FYB2: variants seen among roughly 807,000 people sequenced by gnomAD.
The protein encoded by FYB2 is FYN-binding protein 2.
In FYB2, 103 loss-of-function variants were observed where a neutral mutation model predicts 94.1. That is an observed-to-expected ratio of 1.09 (90% CI 0.93 to 1.29). The LOEUF is 1.29. FYB2 is among the 50% of genes most tolerant of loss of function. The pLI is 0.00. For missense variants in FYB2, 896 were observed against 841.5 expected, an observed-to-expected ratio of 1.06 and a Z score of -0.80; for synonymous variants, 293 against 287.9, an observed-to-expected ratio of 1.02 and a Z score of -0.18.
At chr1:56,799,909 T>C (rs1646481703) in intron 1 of FYB2, among the ~76,000 whole-genome samples, 1 of 152,162 alleles carries the variant, frequency 6.6e-6, no homozygotes, top group Non-Finnish European at 1.5e-5. Flanking sequence ...ACTTGGTGAG[T>C]GAATGCGGTC....
intron 17 of FYB2, among the ~76,000 whole-genome samples, chr1:56,723,254 A>G (rs1017527978): frequency 1.3e-5 from 2 of 151,700 alleles, no homozygotes; most frequent in East Asian, 1.9e-4. Context: ...CTTTAATACA[A>G]CTAATCAGTG....
chr1:56,773,682 A>C (rs1039842656), intron 4 of FYB2, among the ~76,000 whole-genome samples: 8 of 152,198 alleles, frequency 5.3e-5, no homozygotes, highest in African/African-American at 1.9e-4. Flanking sequence ...TCTAAAGAAG[A>C]GCTTTCATTA....
intron 1 of FYB2, among the ~76,000 whole-genome samples, chr1:56,810,193 T>A (rs1210734705): frequency 1.3e-5 from 2 of 152,194 alleles, no homozygotes; most frequent in African/African-American, 2.4e-5. Flanking sequence ...AACCTGATGG[T>A]TTCAGATGGA....
In FYB2 at chr1:56,742,219, C is replaced by A; in HGVS notation, c.1546G>T (p.Glu516Ter). Reference protein sequence around the residue: ...YSSSLASSSEENRELYEDVYK... With the variant: ...YSSSLASSSE Reference sequence around the variant, plus strand: ...ACATCTTCATACAGTTCTCTATTTTCTTCTGAAATTAGAAGAAAACCCTAC... The same window carrying A: ...ACATCTTCATACAGTTCTCTATTTTATTCTGAAATTAGAAGAAAACCCTAC... Residue 516 changes from glutamate (E) to a stop codon, truncating the protein, a stop_gained and splice_region_variant, in exon 12 of 20, where the codon GAA becomes TAA. Coordinates refer to ENST00000343433, the MANE Select transcript of FYB2 (RefSeq NM_001004303.5). LOFTEE classifies it high-confidence loss of function. 2 of 1,589,890 alleles carry A rather than the reference C, an allele frequency of 1.3e-6. No individual in the cohort carries two copies. The highest frequency in any genetic ancestry group is 1.7e-6 in the Non-Finnish European group (2 of 1,161,218).
At chr1:56,817,564 C>A (rs76759963) in intron 1 of FYB2, among the ~76,000 whole-genome samples, 1 of 152,178 alleles carries the variant, frequency 6.6e-6, no homozygotes, top group East Asian at 1.9e-4. Context: ...TATCTTCAAC[C>A]GTTTGGTTCA....
At chr1:56,816,857 A>G (rs1408206725) in intron 1 of FYB2, among the ~76,000 whole-genome samples, 1 of 145,752 alleles carries the variant, frequency 6.9e-6, no homozygotes, top group Non-Finnish European at 1.5e-5. Flanking sequence ...AGTCATCAAC[A>G]ATTTTCTTTT....
chr1:56,754,916 A>C (rs1360320862), intron 7 of FYB2, among the ~76,000 whole-genome samples: 1 of 152,068 alleles, frequency 6.6e-6, no homozygotes, highest in Non-Finnish European at 1.5e-5. Flanking sequence ...CAAGGTATTT[A>C]TGAAAGTCAT....
At chr1:56,766,760 G>A (rs1166418979) in intron 5 of FYB2, among the ~76,000 whole-genome samples, 1 of 152,148 alleles carries the variant, frequency 6.6e-6, no homozygotes. Flanking sequence ...TCTTGAGGGA[G>A]AAGAGGGAAA....
intron 5 of FYB2, among the ~76,000 whole-genome samples, chr1:56,764,077 A>G (rs547395473): frequency 6.6e-6 from 1 of 151,854 alleles, no homozygotes; most frequent in East Asian, 1.9e-4. Context: ...CAGCCTCCCA[A>G]GTAGCTAGAA....
intron 4 of FYB2, among the ~76,000 whole-genome samples, chr1:56,769,147 A>G (rs1645695462): frequency 1.3e-5 from 2 of 152,032 alleles, no homozygotes; most frequent in African/African-American, 4.8e-5. Context: ...CAAGCAATCC[A>G]CACACCTCAG....
chr1:56,818,499 C>CACACAT (rs1646937349), intron 1 of FYB2, among the ~76,000 whole-genome samples: 1 of 134,960 alleles, frequency 7.4e-6, no homozygotes, highest in Non-Finnish European at 1.6e-5. Context: ...CACACACACA[C>CACACAT]ATGCACACGC....
chr1:56,806,095 A>AACATAAATGCATGAG (rs1553167598), intron 1 of FYB2, among the ~76,000 whole-genome samples: 1 of 152,208 alleles, frequency 6.6e-6, no homozygotes, highest in African/African-American at 2.4e-5. Context: ...TATTACAGGT[A>AACATAAATGCATGAG]ACATAAATGC....
At chr1:56,722,657 T>G (rs1644507968) in intron 17 of FYB2, among the ~76,000 whole-genome samples, 1 of 151,764 alleles carries the variant, frequency 6.6e-6, no homozygotes, top group Non-Finnish European at 1.5e-5. Context: ...GAGGTGGAGG[T>G]TCATTCGAGG....
chr1:56,816,815 A>G (rs1332948047), intron 1 of FYB2, among the ~76,000 whole-genome samples: 1 of 149,294 alleles, frequency 6.7e-6, no homozygotes, highest in Non-Finnish European at 1.5e-5. Context: ...CCTTGATTCC[A>G]CTCTTCCAGA....
intron 14 of FYB2, among the ~76,000 whole-genome samples, 154 bp downstream of exon 14, chr1:56,738,471 A>G (rs1644878753): frequency 6.6e-6 from 1 of 152,130 alleles, no homozygotes. Context: ...TCCAAAGTAA[A>G]AAAATACTTC....
chr1:56,742,365 CAT>C (rs1268816912), intron 11 of FYB2, 144 bp from the exon 12 acceptor site: 2 of 557,808 alleles, frequency 3.6e-6, no homozygotes, highest in East Asian at 3.3e-5. Flanking sequence ...AACTCACCCA[CAT>C]GTTTTTAAAA....
intron 1 of FYB2, among the ~76,000 whole-genome samples, chr1:56,807,613 T>G (rs1359178657): frequency 2.6e-5 from 4 of 152,210 alleles, no homozygotes; most frequent in Non-Finnish European, 4.4e-5. Flanking sequence ...ACCCCACTAA[T>G]TACTGAGCTT....
rs188601147 is a variant in FYB2 at position 56,735,800 on chromosome 1, C to T, written c.1793+1287G>A. Among the ~76,000 whole-genome samples, 235 of 152,226 alleles carry T rather than the reference C, an allele frequency of 1.5e-3. 2 individuals carry two copies. The highest frequency in any genetic ancestry group is 5.1e-3 in the African/African-American group (211 of 41,556). On this transcript the variant is annotated intron_variant, in intron 15 of 19. Coordinates refer to ENST00000343433, the MANE Select transcript of FYB2 (RefSeq NM_001004303.5). ...AAGTTTCCTGAGGCCTCACCAGCCA[C>T]GCGGAACTGCGAGTCAATTAAGCTT...
Position 56,755,793 on chromosome 1 carries a change from T to C in FYB2, c.1130+103A>G, listed in dbSNP as rs375427654. 93 of 1,153,502 alleles carry C rather than the reference T, an allele frequency of 8.1e-5. No homozygotes were observed. In the South Asian group the frequency reaches 1.2e-3, roughly 15 times the overall value. The allele number at this position is 1,153,502 out of a possible 1,614,324, so 71.5% of individuals were successfully genotyped here. A position where few individuals can be genotyped will look rare whatever the true frequency, so the allele number is the denominator to read the frequency against. On this transcript the variant is annotated intron_variant, in intron 7 of 19. Coordinates refer to ENST00000343433, the MANE Select transcript of FYB2 (RefSeq NM_001004303.5). ...AGGTGCCGGGGAAACTGAACCAGGCTAGCTCAGTTTGGAAACATAGCTGGC... is the reference window on the plus strand; with the variant it reads ...AGGTGCCGGGGAAACTGAACCAGGCCAGCTCAGTTTGGAAACATAGCTGGC...
Sources: gnomAD v4.1 joint callset for allele counts (sites outside exome capture counted in the v4.1 genomes callset) on GRCh38, gnomAD v4.1.1 for gene constraint, MANE v1.5 for transcripts, NCBI Gene and HGNC (gene_info 2026-07-23, HGNC 2026-07-21) for gene names.